ZBTB46: variants seen among roughly 807,000 people sequenced by gnomAD.
ZBTB46 encodes the protein zinc finger and BTB domain-containing protein 46.
Under a neutral mutation model 44.1 loss-of-function variants are expected in ZBTB46, and 8 were observed. That is an observed-to-expected ratio of 0.18 (90% confidence interval 0.11 to 0.33). ZBTB46 has a LOEUF of 0.33. Among genes scored for constraint, ZBTB46 ranks in the 10% least tolerant of loss-of-function variants. The pLI is 1.00. For missense variants in ZBTB46, 651 were observed against 847.7 expected (o/e 0.77, Z 2.88); for synonymous variants, 409 against 382.3 (o/e 1.07, Z -0.81).
chr20:63,817,715 C>CACAA (rs2092767813), intron 1 of ZBTB46, among the ~76,000 whole-genome samples: 1 of 78,798 alleles, frequency 1.3e-5, no homozygotes, highest in African/African-American at 4.4e-5. Context: ...GACTCTGTCT[C>CACAA]AAAAAAAAAA....
At chr20:63,805,482 A>G (rs1601510974) in intron 1 of ZBTB46, among the ~76,000 whole-genome samples, 1 of 152,122 alleles carries the variant, frequency 6.6e-6, no homozygotes, top group Non-Finnish European at 1.5e-5. Flanking sequence ...AAAAAAAAAG[A>G]CACAGGGAGG....
chr20:63,782,389 G>A (rs976015911), intron 2 of ZBTB46, among the ~76,000 whole-genome samples: 26 of 152,262 alleles, frequency 1.7e-4, no homozygotes, highest in East Asian at 1.2e-3. Context: ...GTCGGGCCAC[G>A]AGCCAAGGAT....
chr20:63,767,347 G>T lies in ZBTB46; in HGVS notation c.1222+8331C>A, dbSNP rs2092328959. On this transcript the variant is annotated intron_variant, in intron 3 of 4. Transcript: ENST00000245663. The surrounding 1 kb of genome is among the most constrained non-coding windows in gnomAD (Gnocchi z 5.0). The stretch of plus-strand genomic sequence containing the variant: ...ATCTGAACCCCGTCGGGCAGAAGCT[G>T]GAGGTCCACCCGCCCCAGCTGCCCA... Among the ~76,000 whole-genome samples, 1 of 152,188 alleles carries T rather than the reference G, an allele frequency of 6.6e-6. No homozygotes were observed. The highest frequency in any genetic ancestry group is 2.4e-5 in the African/African-American group (1 of 41,536).
chr20:63,773,149 C>T (rs1010180666), intron 3 of ZBTB46, among the ~76,000 whole-genome samples: 10 of 152,046 alleles, frequency 6.6e-5, no homozygotes, highest in African/African-American at 2.2e-4. Context: ...GCTTCATGGA[C>T]GGAGCCACAC....
intron 1 of ZBTB46, among the ~76,000 whole-genome samples, chr20:63,815,966 G>A (rs1389777797): frequency 1.4e-5 from 2 of 147,802 alleles, no homozygotes; most frequent in African/African-American, 2.6e-5. Context: ...GGTGCAGTGG[G>A]TGCAGGTACA....
chr20:63,755,451 T>C (rs2092211861), intron 3 of ZBTB46, among the ~76,000 whole-genome samples: 1 of 152,256 alleles, frequency 6.6e-6, no homozygotes, highest in African/African-American at 2.4e-5. Context: ...TGTGTGGCCT[T>C]TTCTCTGTCT....
At chr20:63,794,473 G>T (rs1019198896) in intron 1 of ZBTB46, among the ~76,000 whole-genome samples, 2 of 152,108 alleles carry the variant, frequency 1.3e-5, no homozygotes, top group African/African-American at 4.8e-5. Context: ...AATTACAGGC[G>T]TGAACCACCA....
In ZBTB46 at chr20:63,775,766, G is replaced by C. The variant is rs757077443; in HGVS notation, c.1134C>G (p.Asn378Lys). ...ANLRAALMSKNSLLSLKADVL... is the reference protein window; with the variant it reads ...ANLRAALMSKKSLLSLKADVL... ...CGTCGGCCTTCAGCGACAGCAGGCT[G>C]TTCTTACTCATGAGCGCCGCGCGCA... Residue 378 changes from asparagine (N) to lysine (K), a missense_variant, in exon 3 of 5, where the codon AAC becomes AAG. Asn to Lys is a moderately conservative substitution (Grantham distance 94). Around this residue, in one of 5 missense-constraint regions of ZBTB46, gnomAD observed 385 missense variants for 423.3 expected, o/e 0.91. Coordinates refer to ENST00000245663, the MANE Select transcript of ZBTB46 (RefSeq NM_001369741.1). 6 of 1,613,204 alleles carry C rather than the reference G, an allele frequency of 3.7e-6. No homozygotes were observed. In the African/African-American group the frequency reaches 6.7e-5, roughly 18 times the overall value.
At chr20:63,800,486 C>T (rs369307712) in intron 1 of ZBTB46, among the ~76,000 whole-genome samples, 206 of 152,374 alleles carry the variant, frequency 1.4e-3, no homozygotes, top group African/African-American at 4.7e-3. Context: ...CTTCAGCCCG[C>T]TGCTGCACTG....
chr20:63,769,009 T>C (rs1257548042), intron 3 of ZBTB46, among the ~76,000 whole-genome samples: 1 of 151,850 alleles, frequency 6.6e-6, no homozygotes, highest in African/African-American at 2.4e-5. Flanking sequence ...GCTGTGGGAG[T>C]GGAACAATTA....
rs557206242 is a variant in ZBTB46 at position 63,798,124 on chromosome 20, T to G, written c.-33-7334A>C. Among the ~76,000 whole-genome samples, 3 of 152,302 alleles carry G rather than the reference T, an allele frequency of 2.0e-5. 1 individual carries two copies. In the South Asian group the frequency reaches 6.2e-4, roughly 32 times the overall value. On this transcript the variant is annotated intron_variant, in intron 1 of 4. Coordinates refer to ENST00000245663, the MANE Select transcript of ZBTB46 (RefSeq NM_001369741.1). ...AGGTTTTCTTCTAGGATTTTTATGG[T>G]TTTAGGTCTAACATTTAAGTCTTTA...
At chr20:63,801,806 CCCA>C (rs1415023038) in intron 1 of ZBTB46, among the ~76,000 whole-genome samples, 2 of 152,172 alleles carry the variant, frequency 1.3e-5, no homozygotes, top group Non-Finnish European at 2.9e-5. Flanking sequence ...AGACCAAGAA[CCCA>C]CCAATTCCAG....
intron 2 of ZBTB46, among the ~76,000 whole-genome samples, chr20:63,779,749 G>A (rs6089774): frequency 0.55 from 82,308 of 150,946 alleles, 22,585 homozygotes; most frequent in South Asian, 0.62. Context: ...TAGTAGAGAC[G>A]GGGTTTCACC....
At chr20:63,766,627 C>T (rs913549324) in intron 3 of ZBTB46, among the ~76,000 whole-genome samples, 3 of 152,146 alleles carry the variant, frequency 2.0e-5, no homozygotes, top group Admixed American at 6.5e-5. Flanking sequence ...TCAGAAGGCA[C>T]GGCCTGTGTG....
chr20:63,808,376 C>T (rs1209360881), intron 1 of ZBTB46, among the ~76,000 whole-genome samples: 1 of 152,196 alleles, frequency 6.6e-6, no homozygotes, highest in Non-Finnish European at 1.5e-5. Context: ...GCAGACGCCA[C>T]GGAGCCCGGG....
rs1166888008 is a variant in ZBTB46, at chr20:63,752,687, A to C, written c.1397T>G (p.Leu466Arg). The change falls in exon 4 of 5, where the codon CTG becomes CGG. Residue 466 changes from leucine to arginine, a missense_variant and splice_region_variant. Leu to Arg is a moderately radical substitution (Grantham distance 102). Transcript: ENST00000245663. The surrounding 1 kb of genome is among the most constrained non-coding windows in gnomAD (Gnocchi z 5.6). ...TRREHMKRHT[L>R]VHSKDKKYVC... ...CACGCGGACCCTCCCCGCACTCACC[A>C]GCGTGTGGCGCTTCATGTGCTCGCG... is the stretch of plus-strand genomic sequence containing the variant. 1 of 1,578,694 alleles carries C rather than the reference A, an allele frequency of 6.3e-7. No homozygotes were observed.
chr20:63,803,187 A>C lies in ZBTB46; in HGVS notation c.-33-12397T>G. On this transcript the variant is annotated intron_variant, in intron 1 of 4. Coordinates refer to ENST00000245663, the MANE Select transcript of ZBTB46 (RefSeq NM_001369741.1). The surrounding 1 kb of genome is among the most constrained non-coding windows in gnomAD (Gnocchi z 4.0). ...CATCCAGGCAGGGACCAGTGTGGGCACCATCCCCCAGGGCGCCTCACCAGC... is the reference window on the plus strand; with the variant it reads ...CATCCAGGCAGGGACCAGTGTGGGCCCCATCCCCCAGGGCGCCTCACCAGC... 1 of 507,358 alleles carries C rather than the reference A, an allele frequency of 2.0e-6. No homozygotes were observed. Among genetic ancestry groups the C allele is most frequent in the Non-Finnish European group, 2.5e-6 (1 of 393,480 alleles). The allele number at this position is 507,358 out of a possible 1,614,324, so 31.4% of individuals were successfully genotyped here.
intron 1 of ZBTB46, among the ~76,000 whole-genome samples, chr20:63,804,844 T>C (rs980854026): frequency 1.3e-5 from 2 of 149,112 alleles, no homozygotes; most frequent in Admixed American, 1.3e-4. Context: ...GTGAGCTGAG[T>C]TGGCACCACT....
In ZBTB46 at chr20:63,790,536, G is replaced by A. The variant is rs1255955499; in HGVS notation, c.222C>T (p.His74=). The A allele has an allele frequency of 6.2e-7, 1 of 1,613,016 alleles. No homozygotes were observed. The change falls in exon 2 of 5, where the codon CAC becomes CAT. Residue 74 remains histidine, a synonymous_variant. Coordinates refer to ENST00000245663, the MANE Select transcript of ZBTB46 (RefSeq NM_001369741.1). The part of the protein sequence containing the change: ...QKTSEQATVT[H]LDIVTAQGFK... ...AGCCCTGGGCCGTGACGATGTCCAG[G>A]TGCGTGACCGTGGCCTGCTCCGACG...
Sources: allele counts gnomAD v4.1 joint callset (sites outside exome capture counted in the v4.1 genomes callset), GRCh38; gene constraint gnomAD v4.1.1; regional missense constraint gnomAD v4.1.1; non-coding constraint Gnocchi (gnomAD v3.1); transcripts MANE v1.5; gene names NCBI Gene and HGNC (gene_info 2026-07-23, HGNC 2026-07-21).